ERC1: variants seen among roughly 807,000 people sequenced by gnomAD.
The protein encoded by ERC1 is ELKS/RAB6-interacting/CAST family member 1, also known as RAB6 interacting protein 2.
A neutral mutation model predicts 132.0 loss-of-function variants in ERC1; 56 were observed. The observed-to-expected ratio is 0.42, with a 90% CI of 0.34 to 0.53. The LOEUF is 0.53. ERC1 is among the 20% of genes least tolerant of loss of function. ERC1 has a pLI of 0.03. For synonymous variants in ERC1, 478 were observed against 476.1 expected, an observed-to-expected ratio of 1.00 and a Z score of -0.05; for missense variants, 1,202 against 1,349.9, an observed-to-expected ratio of 0.89 and a Z score of 1.72.
intron 2 of ERC1, among the ~76,000 whole-genome samples, chr12:1,035,835 T>C (rs1209704163): frequency 1.3e-5 from 2 of 151,706 alleles, no homozygotes; most frequent in African/African-American, 4.8e-5. Flanking sequence ...GGCAGGAGAA[T>C]GGCGTGAACC....
At chr12:1,283,188 C>G (rs2078802837) in intron 14 of ERC1, among the ~76,000 whole-genome samples, 1 of 152,200 alleles carries the variant, frequency 6.6e-6, no homozygotes, top group Non-Finnish European at 1.5e-5. Context: ...GCACTGCACA[C>G]TGTCAGGCCC....
At chr12:1,400,475 T>G (rs954554444) in intron 16 of ERC1, among the ~76,000 whole-genome samples, 3 of 152,194 alleles carry the variant, frequency 2.0e-5, no homozygotes, top group Admixed American at 2.0e-4. Flanking sequence ...TTTGGGTATA[T>G]TATCCAAGAA....
At chr12:1,147,864 G>A (rs1028586124) in intron 8 of ERC1, among the ~76,000 whole-genome samples, 1 of 152,042 alleles carries the variant, frequency 6.6e-6, no homozygotes, top group Non-Finnish European at 1.5e-5. Flanking sequence ...CCAAAATGTT[G>A]GTGACATGAT....
At chr12:1,286,511 G>T (rs1000412432) in intron 14 of ERC1, among the ~76,000 whole-genome samples, 5 of 151,848 alleles carry the variant, frequency 3.3e-5, no homozygotes, top group Non-Finnish European at 5.9e-5. Flanking sequence ...ACTTATAAAG[G>T]ATTCTTTTTA....
chr12:1,052,777 C>G (rs1035414233), intron 2 of ERC1, among the ~76,000 whole-genome samples: 2 of 152,214 alleles, frequency 1.3e-5, no homozygotes, highest in East Asian at 3.9e-4. Context: ...CAAGATCAGC[C>G]TGGCCAACAT....
chr12:1,201,741 A>G (rs950129059), intron 12 of ERC1, among the ~76,000 whole-genome samples: 4 of 152,226 alleles, frequency 2.6e-5, no homozygotes, highest in Admixed American at 2.6e-4. Flanking sequence ...GTCTTCAAAG[A>G]TCTACCATAT....
At chr12:1,238,161 C>CTT (rs34549684) in intron 13 of ERC1, among the ~76,000 whole-genome samples, 8,015 of 143,704 alleles carry the variant, frequency 0.056, 380 homozygotes, top group African/African-American at 0.13. Flanking sequence ...GTTCTTCCTC[C>CTT]TTTTTTTTTT....
At chr12:1,347,288 T>G (rs1182872588) in intron 15 of ERC1, among the ~76,000 whole-genome samples, 2 of 152,230 alleles carry the variant, frequency 1.3e-5, no homozygotes, top group Non-Finnish European at 2.9e-5. Flanking sequence ...TAAGATCAAC[T>G]GAAAAGGGAA....
In ERC1 at chr12:1,267,022, A is replaced by G. The variant is rs549638120; in HGVS notation, c.2619+3857A>G. ...AAAGTTCGAGCAAGGAAGAACTCCC[A>G]TAAGAAAACATCTCTTGATGCCTTT... On this transcript the variant is annotated intron_variant, in intron 14 of 18. Transcript: ENST00000360905. Among the ~76,000 whole-genome samples, 15 of 152,388 alleles carry G rather than the reference A, an allele frequency of 9.8e-5. No homozygotes were observed. In the South Asian group the frequency reaches 2.5e-3, roughly 25 times the overall value.
chr12:1,414,048 T>C (rs1363494636), intron 17 of ERC1, among the ~76,000 whole-genome samples: 1 of 152,104 alleles, frequency 6.6e-6, no homozygotes, highest in Non-Finnish European at 1.5e-5. Context: ...CAGTTCGCAG[T>C]AGGGTTTGCG....
intron 12 of ERC1, among the ~76,000 whole-genome samples, chr12:1,196,364 A>C (rs1320834194): frequency 6.6e-6 from 1 of 152,080 alleles, no homozygotes; most frequent in Non-Finnish European, 1.5e-5. Flanking sequence ...AGGGGGATGT[A>C]TTTTGAATCT....
chr12:1,486,782 AT>A (rs2094225819), intron 18 of ERC1, among the ~76,000 whole-genome samples: 2 of 152,312 alleles, frequency 1.3e-5, no homozygotes, highest in Admixed American at 6.5e-5. Context: ...CCTGAAAAAA[AT>A]GTTCTTAAAC....
intron 2 of ERC1, among the ~76,000 whole-genome samples, chr12:1,070,939 T>C (rs1940229342): frequency 6.6e-6 from 1 of 152,246 alleles, no homozygotes; most frequent in Admixed American, 6.5e-5. Context: ...TTCATTTAAA[T>C]GGAATCATAC....
At chr12:1,296,087 TA>T (rs2079910441) in intron 15 of ERC1, among the ~76,000 whole-genome samples, 1 of 150,938 alleles carries the variant, frequency 6.6e-6, no homozygotes, top group Admixed American at 6.6e-5. Context: ...GATGATGGAA[TA>T]GATAGGAAAT....
chr12:1,058,574 C>T (rs548302084), intron 2 of ERC1, among the ~76,000 whole-genome samples: 4 of 152,160 alleles, frequency 2.6e-5, no homozygotes, highest in South Asian at 4.2e-4. Context: ...TATACCAGCA[C>T]CATGCTGTTT....
At chr12:1,192,293 A>G (rs1955816963) in intron 12 of ERC1, among the ~76,000 whole-genome samples, 1 of 152,194 alleles carries the variant, frequency 6.6e-6, no homozygotes, top group South Asian at 2.1e-4. Flanking sequence ...TGCCATTTTT[A>G]TAAACTGAGC....
chr12:1,084,247 A>AATTAATAG lies in ERC1; in HGVS notation c.1086+668_1086+675dup, dbSNP rs532198092. On this transcript the variant is annotated intron_variant, in intron 3 of 18. Coordinates refer to ENST00000360905, the MANE Select transcript of ERC1 (RefSeq NM_178040.4). The stretch of plus-strand genomic sequence containing the variant: ...GAAACCATCTTATATTGAATTAAAA[A>AATTAATAG]ATTAATAGCCATAATAACTTTTCTA... Among the ~76,000 whole-genome samples the AATTAATAG allele has an allele frequency of 2.6e-3, 397 of 152,364 alleles. 1 individual carries two copies. The highest frequency in any genetic ancestry group is 9.2e-3 in the African/African-American group (384 of 41,586).
chr12:1,487,770 AGG>A (rs2094251797), intron 18 of ERC1, among the ~76,000 whole-genome samples: 1 of 36,766 alleles, frequency 2.7e-5, no homozygotes, highest in Non-Finnish European at 1.2e-4. Context: ...GGAGGGAGGG[AGG>A]GAGGGAGGAA....
chr12:1,416,737 C>G lies in ERC1; in HGVS notation c.3024+8490C>G, dbSNP rs551340556. 1.1e-4 allele frequency among the ~76,000 whole-genome samples: 17 copies of G among 152,284 alleles called. No homozygotes were observed. In the East Asian group the frequency reaches 3.3e-3, roughly 29 times the overall value. On this transcript the variant is annotated intron_variant, in intron 17 of 18. Coordinates refer to ENST00000360905, the MANE Select transcript of ERC1 (RefSeq NM_178040.4). ...TACTTGGTTTCAAACTCCTGTGTAC[C>G]TCACTTTCTTCATTTGTAAAATCAG...
Sources: gnomAD v4.1 joint callset for allele counts (sites outside exome capture counted in the v4.1 genomes callset) on GRCh38, gnomAD v4.1.1 for gene constraint, MANE v1.5 for transcripts, NCBI Gene and HGNC (gene_info 2026-07-23, HGNC 2026-07-21) for gene names.